Variants in DCTN1 observed in about 807,000 individuals in gnomAD.
DCTN1 encodes the protein 150 kDa dynein-associated polypeptide.
DCTN1 carries 61 observed loss-of-function variants against 161.2 expected under a neutral mutation model. The observed-to-expected ratio is 0.38, with a 90% CI of 0.31 to 0.47. The LOEUF (loss-of-function observed/expected upper bound fraction) is 0.47. Among genes scored for constraint, DCTN1 ranks in the 20% least tolerant of loss-of-function variants. DCTN1 has a pLI of 0.99. For synonymous variants in DCTN1, 653 were observed against 632.4 expected (o/e 1.03, Z -0.49); for missense variants, 1,404 against 1,623.7 (o/e 0.86, Z 2.33).
intron 1 of DCTN1, among the ~76,000 whole-genome samples, chr2:74,386,312 T>A (rs765478271): frequency 1.3e-5 from 2 of 152,184 alleles, no homozygotes; most frequent in Non-Finnish European, 2.9e-5. Context: ...ATTCATCAAA[T>A]ACAAGCGCTA....
In DCTN1 at chr2:74,370,511, T is replaced by C. The variant is rs1299296008; in HGVS notation, c.1082A>G (p.Lys361Arg). 5 of 1,614,202 alleles carry C rather than the reference T, an allele frequency of 3.1e-6. No individual in the cohort carries two copies. The East Asian group carries it at 1.1e-4, about 36-fold the overall frequency. Residue 361 changes from lysine to arginine, a missense_variant, in exon 11 of 32, where the codon AAG becomes AGG. Lys to Arg is a conservative substitution (Grantham distance 26). Coordinates refer to ENST00000628224, the MANE Select transcript of DCTN1 (RefSeq NM_004082.5). The surrounding 1 kb of genome is among the most constrained non-coding windows in gnomAD (Gnocchi z 4.4). ...SDGAASSYQL[K>R]QLEEQNARLK... ...GCGGGCATTCTGCTCCTCAAGCTGCTTGAGCTGATAACTGGATGCAGCGCC... is the reference window on the plus strand; with the variant it reads ...GCGGGCATTCTGCTCCTCAAGCTGCCTGAGCTGATAACTGGATGCAGCGCC...
chr2:74,363,476 A>C, intron 27 of DCTN1, 49 bp from the exon 28 acceptor site: 1 of 1,607,970 alleles, frequency 6.2e-7, no homozygotes, highest in East Asian at 2.2e-5. Flanking sequence ...AAAGGGTTGA[A>C]AATTGGGCTC....
intron 8 of DCTN1, 81 bp from the exon 9 acceptor site, chr2:74,371,257 A>G (rs1443517650): frequency 1.9e-6 from 3 of 1,605,748 alleles, no homozygotes; most frequent in Non-Finnish European, 2.5e-6. Context: ...AGAACACAAG[A>G]AAGTGTGCAA....
intron 26 of DCTN1, chr2:74,363,830 CA>C: frequency 2.9e-6 from 2 of 695,538 alleles, no homozygotes; most frequent in South Asian, 3.4e-5. Context: ...AGACACCAAA[CA>C]GGAGTGAGGC....
Position 74,366,298 on chromosome 2 carries a change from C to T in DCTN1, c.2706G>A (p.Lys902=), listed in dbSNP as rs779558765. Residue 902 remains lysine (K), a synonymous_variant, in exon 23 of 32, where the codon AAG becomes AAA. Coordinates refer to ENST00000628224, the MANE Select transcript of DCTN1 (RefSeq NM_004082.5). Reference sequence around the variant, plus strand: ...CCCCCTCCTGCATGGCTGTGGCCAGCTTGTTCATGGTACTGATGAGGATGT... The same window carrying T: ...CCCCCTCCTGCATGGCTGTGGCCAGTTTGTTCATGGTACTGATGAGGATGT... ...SCNILISTMN[K]LATAMQEGEY... 1.4e-5 allele frequency: 22 copies of T among 1,614,124 alleles called. No homozygotes were observed. Among genetic ancestry groups the T allele is most frequent in the Middle Eastern group, 1.6e-4 (1 of 6,084 alleles).
chr2:74,364,118 AG>A (rs1398423054), intron 26 of DCTN1: 1 of 196,294 alleles, frequency 5.1e-6, no homozygotes, highest in Non-Finnish European at 1.1e-5. Context: ...TCATAAATTC[AG>A]AACTATGTTT....
chr2:74,363,630 T>C lies in DCTN1; in HGVS notation c.3197-2A>G, dbSNP rs775496102. 1 of 1,613,696 alleles carries C rather than the reference T, an allele frequency of 6.2e-7. No homozygotes were observed. The highest frequency in any genetic ancestry group is 1.7e-5 in the Admixed American group (1 of 59,958). On this transcript the variant is annotated splice_acceptor_variant, in intron 26 of 31. Transcript: ENST00000628224. LOFTEE classifies it high-confidence loss of function. ...GGTCTCTACCTCGCTGCTGTTCTTC[T>C]GTGCTCGGGATAGCCCATGGGGGAG...
chr2:74,387,250 T>C (rs1425693442), intron 1 of DCTN1, among the ~76,000 whole-genome samples: 4 of 152,192 alleles, frequency 2.6e-5, no homozygotes, highest in African/African-American at 9.7e-5. Context: ...TTTCCTAGCT[T>C]CCTGGGCAAC....
At chr2:74,362,234 G>A (rs747494976) in intron 30 of DCTN1, 93 bp from the exon 31 acceptor site, 5 of 1,131,004 alleles carry the variant, frequency 4.4e-6, no homozygotes, top group African/African-American at 1.5e-5. Flanking sequence ...CTAATACCAG[G>A]GGGGCAGGGA....
At chr2:74,391,828 C>G (rs1247577378) in exon 1 of DCTN1, 2 of 453,828 alleles carry the variant, frequency 4.4e-6, no homozygotes, top group East Asian at 7.0e-5. Flanking sequence ...CAGCTCCGAC[C>G]CCACCGACGA....
intron 4 of DCTN1, 30 bp downstream of exon 4, chr2:74,377,402 A>T: frequency 6.3e-7 from 1 of 1,596,510 alleles, no homozygotes; most frequent in East Asian, 2.2e-5. Context: ...TCCCTTTATT[A>T]TTCCCCATTC....
Position 74,386,469 on chromosome 2 carries a change from A to G in DCTN1, c.-19+5325T>C, listed in dbSNP as rs537413900. Reference sequence around the variant, plus strand: ...ATAAAGCACTCAATAAATGTCAGCCATTATTATTATGAGAAAGATGAAGGG... The same window carrying G: ...ATAAAGCACTCAATAAATGTCAGCCGTTATTATTATGAGAAAGATGAAGGG... On this transcript the variant is annotated intron_variant, in intron 1 of 27. Transcript: ENST00000409240. 5 of 152,346 alleles carry G rather than the reference A, an allele frequency of 3.3e-5. No individual in the cohort carries two copies. In the East Asian group the frequency reaches 7.7e-4, roughly 23 times the overall value. 9.4% of individuals were successfully genotyped at this position (152,346 alleles called of 1,614,324 possible). A position where few individuals can be genotyped will look rare whatever the true frequency, so the allele number is the denominator to read the frequency against.
upstream of DCTN1, among the ~76,000 whole-genome samples, chr2:74,381,410 C>A (rs1364444954): frequency 2.0e-5 from 3 of 152,218 alleles, no homozygotes; most frequent in Non-Finnish European, 4.4e-5. Flanking sequence ...GGTAGCCCAA[C>A]AGGAGAATGA....
rs573614045 is a variant in DCTN1 at position 74,365,741 on chromosome 2, T to C, written c.2887-84A>G. 26 of 1,612,180 alleles carry C rather than the reference T, an allele frequency of 1.6e-5. No individual in the cohort carries two copies. The African/African-American group carries it at 2.1e-4, about 13-fold the overall frequency. Reference sequence around the variant, plus strand: ...GGGGCTAGACCATGAGATAGTAGGTTCCCTGAGGGCTCACCACAGCTCCCA... The same window carrying C: ...GGGGCTAGACCATGAGATAGTAGGTCCCCTGAGGGCTCACCACAGCTCCCA... On this transcript the variant is annotated intron_variant, in intron 24 of 31. Coordinates refer to ENST00000628224, the MANE Select transcript of DCTN1 (RefSeq NM_004082.5).
chr2:74,388,769 T>C (rs1675858982), intron 1 of DCTN1, among the ~76,000 whole-genome samples: 1 of 152,238 alleles, frequency 6.6e-6, no homozygotes, highest in African/African-American at 2.4e-5. Flanking sequence ...AAAGAGAAGG[T>C]ATTCAATGTT....
intron 6 of DCTN1, among the ~76,000 whole-genome samples, chr2:74,373,708 A>T (rs1675038162): frequency 6.6e-6 from 1 of 152,076 alleles, no homozygotes; most frequent in Non-Finnish European, 1.5e-5. Flanking sequence ...TGGACAATTA[A>T]CTCCAATTTC....
At position 74,372,914 on chromosome 2, in the gene DCTN1, G is replaced by T. The variant is rs1558944747; in HGVS notation, c.453+14C>A. 2.5e-6 allele frequency: 4 copies of T among 1,613,848 alleles called. No individual in the cohort carries two copies. The highest frequency in any genetic ancestry group is 3.4e-6 in the Non-Finnish European group (4 of 1,179,730). ...ACACTCAGCAGTGGCTCACACAGGG[G>T]CCTGTTTTCTCACCTTGGGTCGCCG... On this transcript the variant is annotated intron_variant, in intron 7 of 31. Coordinates refer to ENST00000628224, the MANE Select transcript of DCTN1 (RefSeq NM_004082.5).
Position 74,368,257 on chromosome 2 carries a change from T to C in DCTN1, c.1855-126A>G, listed in dbSNP as rs1674571922. On this transcript the variant is annotated intron_variant, in intron 16 of 31. Transcript: ENST00000628224. The stretch of plus-strand genomic sequence containing the variant: ...ACACACATGGGAGAGAAAGCAGAAA[T>C]AGCTCTTACCTGGGTGGGGAATCTT... 6.2e-6 allele frequency: 8 copies of C among 1,298,712 alleles called. No homozygotes were observed. In the East Asian group the frequency reaches 7.6e-5, roughly 12 times the overall value. The allele number at this position is 1,298,712 out of a possible 1,614,324, so 80.4% of individuals were successfully genotyped here. A position where few individuals can be genotyped will look rare whatever the true frequency, so the allele number is the denominator to read the frequency against.
chr2:74,364,929 A>G, intron 26 of DCTN1, 146 bp downstream of exon 26: 1 of 1,044,702 alleles, frequency 9.6e-7, no homozygotes, highest in South Asian at 1.4e-5. Context: ...AACTTGGTGA[A>G]AACTGGCACA....
Sources: allele counts gnomAD v4.1 joint callset (sites outside exome capture counted in the v4.1 genomes callset), GRCh38; gene constraint gnomAD v4.1.1; non-coding constraint Gnocchi (gnomAD v3.1); transcripts MANE v1.5; gene names NCBI Gene and HGNC (gene_info 2026-07-23, HGNC 2026-07-21).